The following CNTNAP2 variants were observed in gnomAD, a reference collection of about 807,000 sequenced individuals.
CNTNAP2 encodes the protein contactin associated protein 2.
A neutral mutation model predicts 155.2 loss-of-function variants in CNTNAP2; 98 were observed. That is an observed-to-expected ratio of 0.63 (90% CI 0.54 to 0.75). CNTNAP2 has a LOEUF of 0.75. Among genes scored for constraint, CNTNAP2 ranks in the 30% least tolerant of loss-of-function variants. CNTNAP2 has a pLI of 0.00. For synonymous variants in CNTNAP2, 651 were observed against 631.2 expected (o/e 1.03, Z -0.47); for missense variants, 1,727 against 1,688.1 (o/e 1.02, Z -0.40).
intron 1 of CNTNAP2, among the ~76,000 whole-genome samples, chr7:146,281,945 CTATTT>C (rs974059955): frequency 6.6e-6 from 1 of 152,068 alleles, no homozygotes; most frequent in African/African-American, 2.4e-5. Context: ...ATGGGACATT[CTATTT>C]TATTATAAAT....
intron 1 of CNTNAP2, among the ~76,000 whole-genome samples, chr7:146,289,487 G>A (rs965632903): frequency 1.3e-5 from 2 of 152,002 alleles, no homozygotes; most frequent in Non-Finnish European, 2.9e-5. Flanking sequence ...TTACTTTCCT[G>A]TAAAATTTTG....
At chr7:147,312,408 C>A (rs895011094) in intron 9 of CNTNAP2, among the ~76,000 whole-genome samples, 1 of 135,312 alleles carries the variant, frequency 7.4e-6, no homozygotes, top group Non-Finnish European at 1.5e-5. Flanking sequence ...CTAACCGTCC[C>A]CCCTCCCCCG....
At chr7:146,704,109 A>C (rs1214737707) in intron 1 of CNTNAP2, among the ~76,000 whole-genome samples, 1 of 152,190 alleles carries the variant, frequency 6.6e-6, no homozygotes, top group Non-Finnish European at 1.5e-5. Context: ...CAAAATGTCA[A>C]ATAGTAAATA....
intron 10 of CNTNAP2, among the ~76,000 whole-genome samples, chr7:147,476,516 G>T (rs557811251): frequency 1.3e-5 from 2 of 152,076 alleles, no homozygotes; most frequent in East Asian, 3.9e-4. Context: ...TGTCTTTCTC[G>T]CTTCCTCTCT....
chr7:147,775,780 A>G (rs947904408), intron 13 of CNTNAP2, among the ~76,000 whole-genome samples: 1 of 152,128 alleles, frequency 6.6e-6, no homozygotes, highest in South Asian at 2.1e-4. Context: ...TGTGCATGTT[A>G]TTATATCTAT....
intron 9 of CNTNAP2, among the ~76,000 whole-genome samples, chr7:147,353,168 C>T (rs1295615666): frequency 6.7e-6 from 1 of 149,260 alleles, no homozygotes; most frequent in Admixed American, 6.6e-5. Context: ...TATATGTATA[C>T]TTTAAGTTCT....
At chr7:146,491,174 T>C (rs1272735449) in intron 1 of CNTNAP2, among the ~76,000 whole-genome samples, 1 of 152,110 alleles carries the variant, frequency 6.6e-6, no homozygotes, top group African/African-American at 2.4e-5. Flanking sequence ...AAAGTTTCCA[T>C]GTACAACTAA....
intron 13 of CNTNAP2, among the ~76,000 whole-genome samples, chr7:147,732,250 A>G (rs539687216): frequency 7.9e-6 from 1 of 126,560 alleles, no homozygotes; most frequent in South Asian, 2.5e-4. Flanking sequence ...AAGTGTTCTC[A>G]TTGTTCAATT....
chr7:147,680,720 C>T (rs1348637726), intron 13 of CNTNAP2, among the ~76,000 whole-genome samples: 2 of 151,880 alleles, frequency 1.3e-5, no homozygotes, highest in East Asian at 3.9e-4. Context: ...GTCATACAGT[C>T]ATTCTGATGT....
intron 2 of CNTNAP2, among the ~76,000 whole-genome samples, chr7:146,791,500 G>C (rs777439035): frequency 1.3e-5 from 2 of 152,186 alleles, no homozygotes; most frequent in African/African-American, 2.4e-5. Flanking sequence ...TAGGTAGACA[G>C]ACCCAGAGAT....
At chr7:146,620,310 G>T (rs549365312) in intron 1 of CNTNAP2, among the ~76,000 whole-genome samples, 1 of 152,256 alleles carries the variant, frequency 6.6e-6, no homozygotes, top group Non-Finnish European at 1.5e-5. Flanking sequence ...GAAGCTCATG[G>T]CTAACGGTGC....
At chr7:148,330,732 T>G (rs62649286) in intron 21 of CNTNAP2, among the ~76,000 whole-genome samples, 2 of 141,286 alleles carry the variant, frequency 1.4e-5, no homozygotes, top group African/African-American at 2.7e-5. Context: ...AGGGAATGGA[T>G]GGATGGATGG....
chr7:147,582,796 A>T (rs1800530522), intron 12 of CNTNAP2, among the ~76,000 whole-genome samples: 1 of 152,156 alleles, frequency 6.6e-6, no homozygotes, highest in Non-Finnish European at 1.5e-5. Context: ...TCCTACCCTG[A>T]CTTTACCAAA....
At chr7:146,751,862 G>A (rs1024376345) in intron 1 of CNTNAP2, among the ~76,000 whole-genome samples, 2 of 152,044 alleles carry the variant, frequency 1.3e-5, no homozygotes, top group Non-Finnish European at 2.9e-5. Context: ...ACTTATGAGT[G>A]ACAACATGCA....
intron 3 of CNTNAP2, among the ~76,000 whole-genome samples, chr7:146,847,841 T>A (rs1794789301): frequency 6.6e-6 from 1 of 152,178 alleles, no homozygotes; most frequent in South Asian, 2.1e-4. Flanking sequence ...CTGGAAAGTT[T>A]TTTCAGATAT....
intron 21 of CNTNAP2, among the ~76,000 whole-genome samples, chr7:148,275,625 G>A (rs1796857451): frequency 6.6e-6 from 1 of 152,254 alleles, no homozygotes; most frequent in Non-Finnish European, 1.5e-5. Context: ...GTGGCTGGCA[G>A]CAAGTGCTGG....
At chr7:146,560,817 G>A (rs1452385445) in intron 1 of CNTNAP2, among the ~76,000 whole-genome samples, 12 of 151,984 alleles carry the variant, frequency 7.9e-5, no homozygotes, top group Non-Finnish European at 1.6e-4. Flanking sequence ...CTATTCCAAA[G>A]CTTCAACATA....
chr7:146,602,124 G>A (rs559000218), intron 1 of CNTNAP2, among the ~76,000 whole-genome samples: 9 of 152,096 alleles, frequency 5.9e-5, no homozygotes, highest in Non-Finnish European at 1.3e-4. Context: ...ACCTGAGGAT[G>A]TCATATGCTC....
chr7:147,380,302 T>G (rs1163953891), intron 9 of CNTNAP2, among the ~76,000 whole-genome samples: 1 of 152,040 alleles, frequency 6.6e-6, no homozygotes, highest in African/African-American at 2.4e-5. Context: ...TTGTTATGAA[T>G]GAAATTTGGA....
Sources: gnomAD v4.1 joint callset for allele counts (sites outside exome capture counted in the v4.1 genomes callset) on GRCh38, gnomAD v4.1.1 for gene constraint, MANE v1.5 for transcripts, NCBI Gene and HGNC (gene_info 2026-07-23, HGNC 2026-07-21) for gene names.